The following CD300E variants were observed in gnomAD, a reference collection of about 807,000 sequenced individuals.
The protein encoded by CD300E is CMRF35-like molecule 2.
In CD300E, 14 loss-of-function variants were observed where a neutral mutation model predicts 20.9. That is an observed-to-expected ratio of 0.67 (90% CI 0.44 to 1.05). CD300E has a LOEUF of 1.05. Among genes scored for constraint, CD300E ranks in the 50% least tolerant of loss-of-function variants. The pLI is 0.00. For synonymous variants in CD300E, 102 were observed against 103.7 expected, an observed-to-expected ratio of 0.98 and a Z score of 0.10; for missense variants, 237 against 253.9, an observed-to-expected ratio of 0.93 and a Z score of 0.45.
intron 1 of CD300E, among the ~76,000 whole-genome samples, chr17:74,621,160 C>A (rs2143372708): frequency 6.6e-6 from 1 of 152,276 alleles, no homozygotes. Flanking sequence ...CAATTTTCTA[C>A]TTAATGTAAA....
At chr17:74,617,031 G>T in intron 2 of CD300E, 87 bp downstream of exon 2, 3 of 1,129,506 alleles carry the variant, frequency 2.7e-6, no homozygotes, top group Non-Finnish European at 4.0e-6. Flanking sequence ...GACAAGACTT[G>T]GACGCACACT....
rs1308741394 is a variant in CD300E at position 74,611,792 on chromosome 17, A to G, written c.*861T>C. On this transcript the variant is annotated 3_prime_UTR_variant, in exon 4 of 4. Transcript: ENST00000392619. ...AGCTCCTTCTCCCTTTACTGTTTCA[A>G]CTCGCCCCAGAACTTTAACCTGGAG... 1.3e-5 allele frequency: 2 copies of G among 152,132 alleles called. No homozygotes were observed. The highest frequency in any genetic ancestry group is 6.6e-5 in the Admixed American group (1 of 15,256). 9.4% of individuals were successfully genotyped at this position (152,132 alleles called of 1,614,324 possible).
At chr17:74,617,550 C>A (rs1167649333) in intron 1 of CD300E, 85 bp from the exon 2 acceptor site, 3 of 1,173,734 alleles carry the variant, frequency 2.6e-6, no homozygotes, top group Non-Finnish European at 3.6e-6. Flanking sequence ...GGGAAGATTG[C>A]CAGGGAGACC....
intron 2 of CD300E, among the ~76,000 whole-genome samples, chr17:74,615,612 G>T (rs910902165): frequency 6.6e-6 from 1 of 152,080 alleles, no homozygotes; most frequent in Non-Finnish European, 1.5e-5. Flanking sequence ...TTTAGACAGG[G>T]CGACCAACTT....
At chr17:74,614,790 AAGGCCACTGT>A (rs2030864438) in intron 2 of CD300E, among the ~76,000 whole-genome samples, 1 of 152,002 alleles carries the variant, frequency 6.6e-6, no homozygotes, top group African/African-American at 2.4e-5. Flanking sequence ...CCCATGTGGA[AAGGCCACTGT>A]AGGCCACCCC....
At chr17:74,622,209 A>G (rs2143374631) in intron 1 of CD300E, among the ~76,000 whole-genome samples, 1 of 151,882 alleles carries the variant, frequency 6.6e-6, no homozygotes, top group Non-Finnish European at 1.5e-5. Context: ...AGATTTTCAG[A>G]GGGACCTGCG....
Position 74,617,302 on chromosome 17 carries a change from C to T in CD300E, c.204G>A (p.Glu68=), listed in dbSNP as rs781218749. The change falls in exon 2 of 4, where the codon GAG becomes GAA. Residue 68 remains glutamate (E), a synonymous_variant. Coordinates refer to ENST00000392619, the MANE Select transcript of CD300E (RefSeq NM_181449.3). ...CESIVETKGE[E]KVERNGRVSI... is the part of the protein sequence containing the mutation. The stretch of plus-strand genomic sequence containing the variant: ...ACACGCGGCCATTCCTCTCCACCTT[C>T]TCTTCTCCCTTGGTCTCCACAATGC... 3.7e-6 allele frequency: 6 copies of T among 1,614,230 alleles called. No homozygotes were observed. The South Asian group carries it at 5.5e-5, about 15-fold the overall frequency.
At chr17:74,612,834 C>T (rs200386970) in intron 3 of CD300E, 61 bp from the exon 4 acceptor site, 13 of 1,588,392 alleles carry the variant, frequency 8.2e-6, no homozygotes, top group African/African-American at 5.4e-5. Context: ...ACCCTTCTCT[C>T]CCCACCTCTC....
intron 3 of CD300E, among the ~76,000 whole-genome samples, chr17:74,613,004 G>C (rs2030818467): frequency 1.3e-5 from 2 of 152,208 alleles, no homozygotes; most frequent in African/African-American, 2.4e-5. Context: ...AGACAGAAGA[G>C]GGACCCACTT....
intron 1 of CD300E, chr17:74,619,446 A>C (rs1050526867): frequency 6.2e-5 from 12 of 192,790 alleles, no homozygotes; most frequent in Admixed American, 3.0e-4. Context: ...CTTCCAGCCC[A>C]AAAAGTCTTT....
At chr17:74,616,238 G>A (rs1031129807) in intron 2 of CD300E, among the ~76,000 whole-genome samples, 2 of 152,108 alleles carry the variant, frequency 1.3e-5, no homozygotes, top group African/African-American at 4.8e-5. Context: ...TAGGGACAAT[G>A]GCATGAGGAT....
chr17:74,619,678 C>G (rs977789837), intron 1 of CD300E, among the ~76,000 whole-genome samples: 3 of 152,126 alleles, frequency 2.0e-5, no homozygotes, highest in Non-Finnish European at 4.4e-5. Context: ...ACCATGGGAC[C>G]ATTTTGTCCC....
chr17:74,618,446 G>A (rs960229523), intron 1 of CD300E, among the ~76,000 whole-genome samples: 7 of 152,128 alleles, frequency 4.6e-5, no homozygotes, highest in African/African-American at 7.2e-5. Flanking sequence ...GGATGAATAC[G>A]CGCAGGGGCC....
chr17:74,617,056 A>C (rs2030915955), intron 2 of CD300E, 62 bp downstream of exon 2: 2 of 1,427,196 alleles, frequency 1.4e-6, no homozygotes. Flanking sequence ...TGTGCCGCCC[A>C]CCCTTGTTCC....
At chr17:74,619,240 G>T (rs2030969163) in intron 1 of CD300E, 2 of 439,660 alleles carry the variant, frequency 4.5e-6, no homozygotes, top group Non-Finnish European at 9.4e-6. Flanking sequence ...ACAGCCAAGA[G>T]TCTGGTGATG....
intron 1 of CD300E, among the ~76,000 whole-genome samples, chr17:74,618,835 C>T (rs762953500): frequency 6.6e-6 from 1 of 152,092 alleles, no homozygotes; most frequent in Non-Finnish European, 1.5e-5. Context: ...TTCCCAGCCC[C>T]TACCCCAAAC....
At position 74,618,207 on chromosome 17, in the gene CD300E, A is replaced by G. The variant is rs116580243; in HGVS notation, c.41-742T>C. On this transcript the variant is annotated intron_variant, in intron 1 of 3. Coordinates refer to ENST00000392619, the MANE Select transcript of CD300E (RefSeq NM_181449.3). ...GTTGATACGGAAGCAAAGAGAAGGG[A>G]CAAGAAAGGCTGTAGGTAGGCAGAA... 2.6e-3 allele frequency among the ~76,000 whole-genome samples: 391 copies of G among 152,368 alleles called. 2 individuals are homozygous for G. Among genetic ancestry groups the G allele is most frequent in the African/African-American group, 7.8e-3 (324 of 41,592 alleles).
intron 1 of CD300E, among the ~76,000 whole-genome samples, chr17:74,618,498 A>C (rs369296412): frequency 6.6e-6 from 1 of 152,240 alleles, no homozygotes; most frequent in East Asian, 1.9e-4. Flanking sequence ...ATTGTGAAAG[A>C]GCCCCTGGCA....
intron 1 of CD300E, among the ~76,000 whole-genome samples, chr17:74,620,983 CAG>C (rs2031009903): frequency 6.6e-6 from 1 of 151,764 alleles, no homozygotes; most frequent in Non-Finnish European, 1.5e-5. Context: ...GCGGAGGTTG[CAG>C]TGAGCCAAGA....
Sources: gnomAD v4.1 joint callset for allele counts (sites outside exome capture counted in the v4.1 genomes callset) on GRCh38, gnomAD v4.1.1 for gene constraint, MANE v1.5 for transcripts, NCBI Gene and HGNC (gene_info 2026-07-23, HGNC 2026-07-21) for gene names.